The following SUMF1 variants were observed in gnomAD, a reference collection of about 807,000 sequenced individuals.
SUMF1 encodes the protein formylglycine-generating enzyme.
In SUMF1, 48 loss-of-function variants were observed where a neutral mutation model predicts 47.6. The observed-to-expected ratio is 1.01, with a 90% confidence interval of 0.80 to 1.28. The LOEUF (loss-of-function observed/expected upper bound fraction) is 1.28. Among genes scored for constraint, SUMF1 ranks in the 50% most tolerant of loss-of-function variants. SUMF1 has a pLI of 0.00. For synonymous variants in SUMF1, 230 were observed against 192.1 expected (o/e 1.20, Z -1.63); for missense variants, 571 against 485.4 (o/e 1.18, Z -1.66).
intron 8 of SUMF1, among the ~76,000 whole-genome samples, chr3:4,135,211 G>C (rs1023373956): frequency 3.9e-5 from 6 of 152,108 alleles, no homozygotes; most frequent in Non-Finnish European, 7.3e-5. Context: ...GAATATTGAT[G>C]CAAAAATCCT....
intron 8 of SUMF1, among the ~76,000 whole-genome samples, chr3:4,148,274 C>G (rs1694240437): frequency 6.6e-6 from 1 of 152,066 alleles, no homozygotes; most frequent in Non-Finnish European, 1.5e-5. Context: ...ATTTCTCACC[C>G]AAGAGATGGG....
At chr3:4,432,012 C>G (rs1702249470) in intron 3 of SUMF1, among the ~76,000 whole-genome samples, 1 of 152,064 alleles carries the variant, frequency 6.6e-6, no homozygotes, top group Non-Finnish European at 1.5e-5. Flanking sequence ...CAATCTATAG[C>G]TAAACTGAAA....
chr3:4,318,695 G>C (rs565005265), intron 8 of SUMF1, among the ~76,000 whole-genome samples: 1 of 152,140 alleles, frequency 6.6e-6, no homozygotes, highest in East Asian at 1.9e-4. Flanking sequence ...ATCACCTGAG[G>C]TCAGGAGTTC....
chr3:4,078,799 A>C (rs895956338), intron 8 of SUMF1, among the ~76,000 whole-genome samples: 1 of 152,106 alleles, frequency 6.6e-6, no homozygotes, highest in Non-Finnish European at 1.5e-5. Context: ...TGAAGTAGGT[A>C]CTGTGGTTAT....
In SUMF1 at chr3:4,246,784, G is replaced by A. The variant is rs545077600; in HGVS notation, c.1014+129546C>T. Reference sequence around the variant, plus strand: ...TGGTTGAGTTAGCAGCTCTAACCAAGTTCCCTTCAAATCTTGACCTTTCTA... The same window carrying A: ...TGGTTGAGTTAGCAGCTCTAACCAAATTCCCTTCAAATCTTGACCTTTCTA... On this transcript the variant is annotated intron_variant and NMD_transcript_variant, in intron 8 of 12. Transcript: ENST00000448413. Among the ~76,000 whole-genome samples the A allele has an allele frequency of 5.9e-5, 9 of 152,240 alleles. No individual in the cohort carries two copies. The South Asian group carries it at 1.9e-3, about 32-fold the overall frequency.
At chr3:4,035,603 C>A (rs1295638475) in intron 9 of SUMF1, among the ~76,000 whole-genome samples, 1 of 152,112 alleles carries the variant, frequency 6.6e-6, no homozygotes, top group Non-Finnish European at 1.5e-5. Context: ...TTTAGAGAGG[C>A]CACAACTCAA....
At chr3:4,388,154 G>C (rs1700734977) in intron 7 of SUMF1, among the ~76,000 whole-genome samples, 1 of 151,976 alleles carries the variant, frequency 6.6e-6, no homozygotes, top group African/African-American at 2.4e-5. Context: ...ATCAATTATT[G>C]AGAAAGGAGT....
chr3:4,450,810 G>A (rs1350913710), intron 2 of SUMF1, among the ~76,000 whole-genome samples: 9 of 152,056 alleles, frequency 5.9e-5, no homozygotes, highest in Non-Finnish European at 8.8e-5. Flanking sequence ...AGAGGACTGC[G>A]AATTCCAAGC....
At chr3:4,405,018 T>C (rs1701331201) in intron 7 of SUMF1, among the ~76,000 whole-genome samples, 2 of 152,046 alleles carry the variant, frequency 1.3e-5, no homozygotes, top group South Asian at 2.1e-4. Flanking sequence ...CAGAGGAGGA[T>C]CAGGAGGCAA....
chr3:4,124,594 G>GA (rs1332992829), intron 8 of SUMF1, among the ~76,000 whole-genome samples: 59 of 138,266 alleles, frequency 4.3e-4, no homozygotes, highest in Admixed American at 7.2e-4. Flanking sequence ...TTGAATGAAG[G>GA]AAAAAAAAAA....
At chr3:4,433,123 T>C (rs1216969137) in intron 3 of SUMF1, among the ~76,000 whole-genome samples, 2 of 152,192 alleles carry the variant, frequency 1.3e-5, no homozygotes, top group Non-Finnish European at 2.9e-5. Flanking sequence ...TCAGCATGAC[T>C]CTCTACTCAA....
At chr3:4,133,039 G>T (rs1693828881) in intron 8 of SUMF1, among the ~76,000 whole-genome samples, 1 of 152,136 alleles carries the variant, frequency 6.6e-6, no homozygotes, top group African/African-American at 2.4e-5. Context: ...AATACAGAAT[G>T]GGTATTGGAA....
chr3:4,418,232 G>A (rs772733047), intron 4 of SUMF1, 100 bp from the exon 5 acceptor site: 3 of 1,526,048 alleles, frequency 2.0e-6, no homozygotes, highest in Non-Finnish European at 2.7e-6. Flanking sequence ...AGTTCAATCT[G>A]TGACACTGAG....
intron 7 of SUMF1, among the ~76,000 whole-genome samples, chr3:4,382,336 GCACACACACA>G (rs1553566047): frequency 3.3e-5 from 5 of 149,346 alleles, no homozygotes; most frequent in African/African-American, 7.4e-5. Flanking sequence ...ACACATACAT[GCACACACACA>G]CACACACACA....
At chr3:4,154,592 T>C (rs568370012) in intron 8 of SUMF1, among the ~76,000 whole-genome samples, 6 of 145,198 alleles carry the variant, frequency 4.1e-5, no homozygotes, top group African/African-American at 1.6e-4. Flanking sequence ...AGCTATGAAG[T>C]AACTGAAACA....
chr3:4,235,987 G>A (rs747768947), intron 8 of SUMF1, among the ~76,000 whole-genome samples: 31 of 152,116 alleles, frequency 2.0e-4, no homozygotes, highest in Middle Eastern at 3.4e-3. Flanking sequence ...CTGTCATACA[G>A]GTTGGAGTTC....
Position 4,077,369 on chromosome 3 carries a change from T to C in SUMF1, c.1015-8624A>G, listed in dbSNP as rs553663930. Among the ~76,000 whole-genome samples, 81 of 152,198 alleles carry C rather than the reference T, an allele frequency of 5.3e-4. 2 individuals carry two copies. In the South Asian group the frequency reaches 0.017, roughly 31 times the overall value. ...GACACATGCACACGTATGTTTATTG[T>C]GGCACTATTCACAACAGAAAAGACT... On this transcript the variant is annotated intron_variant and NMD_transcript_variant, in intron 8 of 12. Transcript: ENST00000448413.
chr3:4,209,950 A>G (rs1173526687), intron 8 of SUMF1, among the ~76,000 whole-genome samples: 1 of 152,148 alleles, frequency 6.6e-6, no homozygotes, highest in African/African-American at 2.4e-5. Context: ...GCTGGAGTGC[A>G]GTGGCACGAT....
intron 8 of SUMF1, among the ~76,000 whole-genome samples, chr3:4,292,371 A>T (rs892740971): frequency 3.9e-5 from 6 of 152,206 alleles, no homozygotes; most frequent in Admixed American, 3.9e-4. Flanking sequence ...CAATACCCTT[A>T]CCCAAGAACA....
Sources: allele counts gnomAD v4.1 joint callset (sites outside exome capture counted in the v4.1 genomes callset), GRCh38; gene constraint gnomAD v4.1.1; transcripts MANE v1.5; gene names NCBI Gene and HGNC (gene_info 2026-07-23, HGNC 2026-07-21).